Variants in FGF14 observed in about 807,000 individuals in gnomAD.
The protein encoded by FGF14 is fibroblast growth factor homologous factor 4.
In FGF14, 5 loss-of-function variants were observed where a neutral mutation model predicts 25.5. That is an observed-to-expected ratio of 0.20 (90% CI 0.10 to 0.41). FGF14 has a LOEUF of 0.41. FGF14 is among the 10% of genes least tolerant of loss of function. FGF14 has a pLI of 1.00. For missense variants in FGF14, 222 were observed against 320.1 expected, an observed-to-expected ratio of 0.69 and a Z score of 2.34; for synonymous variants, 138 against 118.3, an observed-to-expected ratio of 1.17 and a Z score of -1.08.
At chr13:102,138,987 T>A (rs1004439316) in intron 1 of FGF14, among the ~76,000 whole-genome samples, 2 of 152,220 alleles carry the variant, frequency 1.3e-5, no homozygotes, top group African/African-American at 4.8e-5. Context: ...TATGCACATT[T>A]TAAAGCAAAA....
intron 1 of FGF14, among the ~76,000 whole-genome samples, chr13:102,127,230 T>C (rs559665569): frequency 1.3e-5 from 2 of 152,290 alleles, no homozygotes; most frequent in Admixed American, 1.3e-4. Flanking sequence ...GAGACCAAGA[T>C]TATTACAATT....
intron 1 of FGF14, among the ~76,000 whole-genome samples, chr13:102,285,529 T>A (rs1424516304): frequency 6.6e-6 from 1 of 152,174 alleles, no homozygotes; most frequent in Non-Finnish European, 1.5e-5. Flanking sequence ...TGCCCTGAAT[T>A]CTTCTGTATT....
chr13:102,201,102 CAAAAAAAAAAAAAAA>C lies in FGF14; in HGVS notation c.208+200354_208+200368del, dbSNP rs60149871. Among the ~76,000 whole-genome samples, 16 of 62,718 alleles carry C rather than the reference CAAAAAAAAAAAAAAA, an allele frequency of 2.6e-4. No homozygotes were observed. In the East Asian group the frequency reaches 3.8e-3, roughly 15 times the overall value. 41.1% of individuals were successfully genotyped at this position (62,718 alleles called of 152,430 possible). ...GGCGACAGAGCGAGACTCCGTCTCT[CAAAAAAAAAAAAAAA>C]AAAAAAAAAAAAAAAAAAGACTAAT... is the stretch of plus-strand genomic sequence containing the variant. On this transcript the variant is annotated intron_variant, in intron 1 of 4. Coordinates refer to the FGF14 transcript ENST00000376131.
chr13:101,957,358 T>A (rs34881594), intron 1 of FGF14, among the ~76,000 whole-genome samples: 20,847 of 152,066 alleles, frequency 0.14, 1,637 homozygotes, highest in Admixed American at 0.25. Context: ...AGACACTATA[T>A]ATGTTAGACA....
intron 1 of FGF14, among the ~76,000 whole-genome samples, chr13:101,946,449 A>G (rs1348065663): frequency 6.6e-6 from 1 of 152,178 alleles, no homozygotes; most frequent in African/African-American, 2.4e-5. Context: ...ATTCCAAATC[A>G]AACTGTCTTA....
intron 1 of FGF14, among the ~76,000 whole-genome samples, chr13:102,295,246 G>A (rs1258546949): frequency 6.6e-6 from 1 of 152,016 alleles, no homozygotes; most frequent in African/African-American, 2.4e-5. Context: ...TCTAAGCTCG[G>A]GGCATGGAGA....
chr13:102,024,678 CTT>C lies in FGF14; in HGVS notation c.209-149384_209-149383del, dbSNP rs528587713. On this transcript the variant is annotated intron_variant, in intron 1 of 4. Transcript: ENST00000376131. ...GATTTTTGTGTCTTTTCTAAGAAAA[CTT>C]TGCCTAATTTACTATCATGAATATG... Among the ~76,000 whole-genome samples, 328 of 151,902 alleles carry C rather than the reference CTT, an allele frequency of 2.2e-3. 1 individual carries two copies. The highest frequency in any genetic ancestry group is 7.6e-3 in the African/African-American group (317 of 41,492).
At chr13:102,078,724 A>G (rs2043482096) in intron 1 of FGF14, among the ~76,000 whole-genome samples, 1 of 152,186 alleles carries the variant, frequency 6.6e-6, no homozygotes, top group Non-Finnish European at 1.5e-5. Flanking sequence ...TAAAAGCTGG[A>G]GGAATGGTGA....
intron 1 of FGF14, among the ~76,000 whole-genome samples, chr13:102,300,962 C>G (rs992064637): frequency 7.5e-5 from 11 of 146,174 alleles, no homozygotes; most frequent in African/African-American, 2.5e-4. Flanking sequence ...CACACACACA[C>G]ACGTTTAACC....
chr13:102,358,084 A>G (rs1209483955), intron 1 of FGF14, among the ~76,000 whole-genome samples: 2 of 152,190 alleles, frequency 1.3e-5, no homozygotes, highest in Non-Finnish European at 2.9e-5. Context: ...TTTGAACTTT[A>G]TATTTAAAAC....
intron 1 of FGF14, among the ~76,000 whole-genome samples, chr13:102,392,860 CA>C: frequency 6.6e-6 from 1 of 152,258 alleles, no homozygotes; most frequent in South Asian, 2.1e-4. Context: ...CAACCTTGCC[CA>C]ACCCAGAGCT....
At chr13:102,379,604 C>G (rs1718986674) in intron 1 of FGF14, among the ~76,000 whole-genome samples, 1 of 151,914 alleles carries the variant, frequency 6.6e-6, no homozygotes, top group Admixed American at 6.6e-5. Flanking sequence ...CAAACATTTA[C>G]TATGTTTCTG....
At chr13:101,727,481 C>A (rs1444222729) in intron 3 of FGF14, among the ~76,000 whole-genome samples, 1 of 152,078 alleles carries the variant, frequency 6.6e-6, no homozygotes, top group Non-Finnish European at 1.5e-5. Context: ...AAAAGCTGCT[C>A]CAACTGAAAA....
intron 1 of FGF14, among the ~76,000 whole-genome samples, chr13:102,007,590 G>GTGAC (rs1370399441): frequency 1.3e-5 from 2 of 152,192 alleles, no homozygotes; most frequent in Non-Finnish European, 2.9e-5. Flanking sequence ...CCAACAGGTG[G>GTGAC]TGACATTCAG....
At chr13:102,364,320 A>T (rs2057649561) in intron 1 of FGF14, among the ~76,000 whole-genome samples, 1 of 152,208 alleles carries the variant, frequency 6.6e-6, no homozygotes, top group African/African-American at 2.4e-5. Context: ...CACTACTTTC[A>T]TTCCAATTTG....
chr13:101,938,433 G>GC, intron 1 of FGF14, among the ~76,000 whole-genome samples: 1 of 152,206 alleles, frequency 6.6e-6, no homozygotes, highest in South Asian at 2.1e-4. Context: ...TCTTTCCTCA[G>GC]CTTTTATCTT....
intron 3 of FGF14, among the ~76,000 whole-genome samples, chr13:101,854,763 A>T (rs1359269562): frequency 6.6e-6 from 1 of 151,994 alleles, no homozygotes; most frequent in Non-Finnish European, 1.5e-5. Flanking sequence ...CTGTCCACCT[A>T]TCAATCCTAC....
chr13:102,031,232 A>G (rs1249279290), intron 1 of FGF14, among the ~76,000 whole-genome samples: 2 of 152,102 alleles, frequency 1.3e-5, no homozygotes, highest in Admixed American at 1.3e-4. Context: ...CCTGATCATG[A>G]AAAAGATCCA....
intron 1 of FGF14, among the ~76,000 whole-genome samples, chr13:102,231,799 T>C (rs1381065205): frequency 6.6e-6 from 1 of 152,178 alleles, no homozygotes; most frequent in East Asian, 1.9e-4. Flanking sequence ...GCAAATTACC[T>C]AAGCTCTCTA....
Sources: gnomAD v4.1 joint callset for allele counts (sites outside exome capture counted in the v4.1 genomes callset) on GRCh38, gnomAD v4.1.1 for gene constraint, MANE v1.5 for transcripts, NCBI Gene and HGNC (gene_info 2026-07-23, HGNC 2026-07-21) for gene names.